Variants in U2SURP observed in about 807,000 individuals in gnomAD.
The protein encoded by U2SURP is U2 snRNP associated SURP domain containing.
A neutral mutation model predicts 144.9 loss-of-function variants in U2SURP; 9 were observed. The observed-to-expected ratio is 0.06, with a 90% CI of 0.04 to 0.11. U2SURP has a LOEUF of 0.11. Among genes scored for constraint, U2SURP ranks in the 10% least tolerant of loss-of-function variants. U2SURP has a pLI of 1.00. For missense variants in U2SURP, 724 were observed against 1,226.7 expected (o/e 0.59, Z 6.12); for synonymous variants, 408 against 396.8 (o/e 1.03, Z -0.33).
rs1393324075 is a variant in U2SURP, at chr3:143,020,657, C to T, written c.697C>T (p.Pro233Ser). 6.2e-7 allele frequency: 1 copy of T among 1,612,916 alleles called. No individual in the cohort carries two copies. The highest frequency in any genetic ancestry group is 1.1e-5 in the South Asian group (1 of 90,806). Reference sequence around the variant, plus strand: ...AAAAGGCAGATTAAGTCGATTTGAACCTCCTCAGTCAGATTCTGATGGTCA... The same window carrying T: ...AAAAGGCAGATTAAGTCGATTTGAATCTCCTCAGTCAGATTCTGATGGTCA... ...KTKGRLSRFE[P>S]PQSDSDGQRR... Residue 233 changes from proline (P) to serine (S), a missense_variant, in exon 8 of 28, where the codon CCT (proline) becomes TCT (serine). By Grantham distance (74) the Pro-to-Ser change is moderately conservative. Transcript: ENST00000473835.
At chr3:143,001,751 G>C (rs1935537376) in intron 1 of U2SURP, 78 bp downstream of exon 1, 1 of 1,577,718 alleles carries the variant, frequency 6.3e-7, no homozygotes, top group African/African-American at 1.4e-5. Context: ...TGGCCTGTGA[G>C]AGGCGATTGG....
chr3:143,009,234 A>G (rs1454533612), intron 1 of U2SURP, among the ~76,000 whole-genome samples: 1 of 152,192 alleles, frequency 6.6e-6, no homozygotes, highest in African/African-American at 2.4e-5. Context: ...TTGACATTTA[A>G]GAAAGATTAG....
At chr3:143,048,401 T>C (rs765002112) in intron 24 of U2SURP, among the ~76,000 whole-genome samples, 17 of 152,208 alleles carry the variant, frequency 1.1e-4, no homozygotes, top group Non-Finnish European at 2.1e-4. Flanking sequence ...TTACTACAAA[T>C]ACATTCTGTG....
intron 13 of U2SURP, chr3:143,026,685 A>G (rs1411771868): frequency 6.6e-6 from 1 of 152,154 alleles, no homozygotes; most frequent in African/African-American, 2.4e-5. Context: ...AGTCATGGTT[A>G]TAACATTTCA....
intron 4 of U2SURP, among the ~76,000 whole-genome samples, chr3:143,015,815 G>C (rs1056012474): frequency 2.0e-5 from 3 of 151,982 alleles, no homozygotes; most frequent in African/African-American, 7.2e-5. Context: ...ATTCTTCTGA[G>C]CTTTCCTTAA....
chr3:143,012,210 C>T lies in U2SURP; in HGVS notation c.91-12C>T. The T allele has an allele frequency of 6.2e-7, 1 of 1,604,980 alleles. No individual in the cohort carries two copies. Among genetic ancestry groups the T allele is most frequent in the Non-Finnish European group, 8.5e-7 (1 of 1,176,704 alleles). ...TGGTTTGTTTTTTTCTCTTGTTTTACTTTTCCTGAAGATGGATGCATCTGG... is the reference window on the plus strand; with the variant it reads ...TGGTTTGTTTTTTTCTCTTGTTTTATTTTTCCTGAAGATGGATGCATCTGG... On this transcript the variant is annotated splice_polypyrimidine_tract_variant and intron_variant, in intron 2 of 27. Coordinates refer to ENST00000473835, the MANE Select transcript of U2SURP (RefSeq NM_001080415.2).
At chr3:143,048,726 T>TGTCTGTACTAAAAATACAAAAATTA (rs2108314667) in intron 24 of U2SURP, among the ~76,000 whole-genome samples, 1 of 152,060 alleles carries the variant, frequency 6.6e-6, no homozygotes, top group African/African-American at 2.4e-5. Context: ...GGTGAAACCC[T>TGTCTGTACTAAAAATACAAAAATTA]GTCTGTACTA....
intron 16 of U2SURP, among the ~76,000 whole-genome samples, chr3:143,032,251 T>C (rs1211642456): frequency 6.6e-6 from 1 of 152,146 alleles, no homozygotes; most frequent in Non-Finnish European, 1.5e-5. Context: ...TTTTATATTT[T>C]TAGTACAGAC....
chr3:143,010,982 T>A, intron 2 of U2SURP, 123 bp downstream of exon 2: 2 of 691,814 alleles, frequency 2.9e-6, no homozygotes, highest in Non-Finnish European at 4.4e-6. Flanking sequence ...TTTCTTTTAC[T>A]CTTTTTTTTC....
chr3:143,038,990 T>C, intron 23 of U2SURP, 30 bp downstream of exon 23: 1 of 1,409,012 alleles, frequency 7.1e-7, no homozygotes, highest in East Asian at 2.7e-5. Flanking sequence ...ATATACTGTT[T>C]CTTGTTCATA....
At chr3:143,025,469 A>G (rs1933090081) in intron 13 of U2SURP, among the ~76,000 whole-genome samples, 1 of 152,146 alleles carries the variant, frequency 6.6e-6, no homozygotes, top group South Asian at 2.1e-4. Context: ...GATGTATAAC[A>G]TTTGTCCACC....
Position 143,059,509 on chromosome 3 carries a change from G to A in U2SURP, c.*3059G>A, listed in dbSNP as rs1935289592. 6.6e-6 allele frequency: 1 copy of A among 151,832 alleles called. No homozygotes were observed. Among genetic ancestry groups the A allele is most frequent in the South Asian group, 2.1e-4 (1 of 4,822 alleles). The allele number at this position is 151,832 out of a possible 1,614,324, so 9.4% of individuals were successfully genotyped here. On this transcript the variant is annotated 3_prime_UTR_variant, in exon 28 of 28. Coordinates refer to ENST00000473835, the MANE Select transcript of U2SURP (RefSeq NM_001080415.2). Reference sequence around the variant, plus strand: ...TATTCTGTACACATTTGCCTCCATGGTGGCGTAAGTTCTGAAAAATTATAT... The same window carrying A: ...TATTCTGTACACATTTGCCTCCATGATGGCGTAAGTTCTGAAAAATTATAT...
intron 17 of U2SURP, 112 bp from the exon 18 acceptor site, chr3:143,033,159 G>A: frequency 1.2e-6 from 1 of 827,558 alleles, no homozygotes; most frequent in Non-Finnish European, 1.9e-6. Flanking sequence ...CAGAGTCATA[G>A]TTGTGGTGAT....
chr3:143,053,527 A>C, intron 25 of U2SURP, 149 bp from the exon 26 acceptor site: 1 of 505,388 alleles, frequency 2.0e-6, no homozygotes, highest in Non-Finnish European at 3.2e-6. Flanking sequence ...GTTTCCCTGA[A>C]GGGGTAGATT....
intron 22 of U2SURP, 106 bp downstream of exon 22, chr3:143,038,309 C>G (rs1933919375): frequency 5.1e-6 from 4 of 787,400 alleles, no homozygotes; most frequent in Non-Finnish European, 7.6e-6. Context: ...ACGTTTTAAC[C>G]TTAATGCTCA....
intron 26 of U2SURP, among the ~76,000 whole-genome samples, chr3:143,054,263 T>G (rs942197690): frequency 6.6e-5 from 10 of 152,248 alleles, no homozygotes; most frequent in Non-Finnish European, 1.2e-4. Flanking sequence ...TTTCAGTTTT[T>G]ATGTCTTACT....
At chr3:143,045,366 CAAAAAAAAAAAA>C (rs11356372) in intron 24 of U2SURP, among the ~76,000 whole-genome samples, 13 of 75,424 alleles carry the variant, frequency 1.7e-4, no homozygotes, top group Non-Finnish European at 2.5e-4. Flanking sequence ...GAGACGCCGT[CAAAAAAAAAAAA>C]AAAAAAAAAA....
At position 143,023,980 on chromosome 3, in the gene U2SURP, G is replaced by T; in HGVS notation, c.1236G>T (p.Leu412=). ...PKNKEDFEKT[L]SQAIVKVVIP... is the part of the protein sequence containing the mutation. ...TGATGTGACTTCATATACAGACTCT[G>T]TCGCAAGCCATAGTCAAAGTGGTTA... Residue 412 remains leucine, a synonymous_variant, in exon 13 of 28, where the codon CTG becomes CTT. Transcript: ENST00000473835. 1 of 1,613,040 alleles carries T rather than the reference G, an allele frequency of 6.2e-7. No individual in the cohort carries two copies. Among genetic ancestry groups the T allele is most frequent in the East Asian group, 2.2e-5 (1 of 44,804 alleles).
At position 143,056,371 on chromosome 3, in the gene U2SURP, A is replaced by G. The variant is rs1935153498; in HGVS notation, c.3011A>G (p.Lys1004Arg). 1 of 1,612,642 alleles carries G rather than the reference A, an allele frequency of 6.2e-7. No homozygotes were observed. The highest frequency in any genetic ancestry group is 1.3e-5 in the African/African-American group (1 of 74,874). ...AGGCGATCACGGTCTAGATCTCCTA[A>G]AAAATCAGGAAAGAAGTCCAGATCC... ...RSRRSRSRSPKKSGKKSRSQS... is the reference protein window; with the variant it reads ...RSRRSRSRSPRKSGKKSRSQS... The change falls in exon 28 of 28, where the codon AAA becomes AGA. Residue 1004 changes from lysine (K) to arginine (R), a missense_variant. Transcript: ENST00000473835.
Sources: allele counts gnomAD v4.1 joint callset (sites outside exome capture counted in the v4.1 genomes callset), GRCh38; gene constraint gnomAD v4.1.1; transcripts MANE v1.5; gene names NCBI Gene and HGNC (gene_info 2026-07-23, HGNC 2026-07-21).